TCTN1: variants seen among roughly 807,000 people sequenced by gnomAD.
The protein encoded by TCTN1 is tectonic family member 1.
TCTN1 carries 58 observed loss-of-function variants against 65.8 expected under a neutral mutation model. The ratio of observed to expected loss-of-function variants is 0.88; its 90% CI spans 0.71 to 1.10. The LOEUF (loss-of-function observed/expected upper bound fraction) is 1.10, where lower values mean the gene tolerates loss of function less well. Ranked by LOEUF, TCTN1 falls within the 50% of genes least tolerant of loss-of-function variation. TCTN1 has a pLI of 0.00. For missense variants in TCTN1, 645 were observed against 719.4 expected, an observed-to-expected ratio of 0.90 and a Z score of 1.18; for synonymous variants, 273 against 289.1, an observed-to-expected ratio of 0.94 and a Z score of 0.57.
chr12:110,621,893 T>A (rs903124081), intron 2 of TCTN1, among the ~76,000 whole-genome samples: 8 of 151,824 alleles, frequency 5.3e-5, no homozygotes, highest in African/African-American at 1.9e-4. Flanking sequence ...ATCCCAGCAC[T>A]TTGGGAGGCT....
In TCTN1 at chr12:110,628,050, A is replaced by G. The variant is rs142028339; in HGVS notation, c.473-717A>G. 84 of 1,535,754 alleles carry G rather than the reference A, an allele frequency of 5.5e-5. No homozygotes were observed. The African/African-American group carries it at 1.0e-3, about 18-fold the overall frequency. On this transcript the variant is annotated intron_variant, in intron 3 of 14. Coordinates refer to ENST00000397659, the MANE Select transcript of TCTN1 (RefSeq NM_001082538.3). ...GCTTCCTTCTCTCTCTTCTGTACAC[A>G]GCACATTTTACTCCAGGACTTTCAC...
intron 7 of TCTN1, among the ~76,000 whole-genome samples, chr12:110,636,802 T>C (rs930826396): frequency 6.6e-6 from 1 of 152,202 alleles, no homozygotes; most frequent in African/African-American, 2.4e-5. Flanking sequence ...TATCCCTTGC[T>C]CCCTTCTTAG....
intron 2 of TCTN1, among the ~76,000 whole-genome samples, chr12:110,623,169 T>A (rs1014109616): frequency 6.6e-6 from 1 of 152,212 alleles, no homozygotes; most frequent in African/African-American, 2.4e-5. Flanking sequence ...CTTCTTAGCC[T>A]GGATTCAGAT....
At chr12:110,620,177 GT>G (rs1565957336) in intron 2 of TCTN1, among the ~76,000 whole-genome samples, 1 of 152,138 alleles carries the variant, frequency 6.6e-6, no homozygotes, top group Non-Finnish European at 1.5e-5. Context: ...GGAGGCTGAG[GT>G]GGGTGGATCA....
Position 110,614,404 on chromosome 12 carries a change from TG to T in TCTN1, c.220+5del, listed in dbSNP as rs1178016153. ...CCAGGCCTACCCCAGTCACGGACGG[TG>T]GGTACCATGTGCCAGCTCCTGGAGT... On this transcript the variant is annotated splice_donor_region_variant and intron_variant, in intron 1 of 14. Coordinates refer to ENST00000397659, the MANE Select transcript of TCTN1 (RefSeq NM_001082538.3). 6.3e-7 allele frequency: 1 copy of T among 1,591,746 alleles called. No homozygotes were observed. Among genetic ancestry groups the T allele is most frequent in the African/African-American group, 1.3e-5 (1 of 74,570 alleles).
intron 14 of TCTN1, 55 bp from the exon 15 acceptor site, chr12:110,648,986 AAG>A (rs1208532787): frequency 4.4e-6 from 2 of 450,140 alleles, no homozygotes; most frequent in African/African-American, 2.0e-5. Flanking sequence ...GCTTGAAAAT[AAG>A]AGACTTTTCT....
intron 12 of TCTN1, chr12:110,645,381 G>C (rs575574985): frequency 2.0e-6 from 1 of 507,828 alleles, no homozygotes; most frequent in Non-Finnish European, 3.6e-6. Context: ...GCCTCATGGG[G>C]CATTGAGAGG....
At position 110,647,238 on chromosome 12, in the gene TCTN1, G is replaced by T; in HGVS notation, c.1537G>T (p.Val513Phe). The change falls in exon 13 of 15, where the codon GTT (valine) becomes TTT (phenylalanine). Residue 513 changes from valine to phenylalanine, a missense_variant. By Grantham distance (50) the Val-to-Phe change is conservative. Transcript: ENST00000397659. ...QDSCQLPGAL[V>F]IEVKWTKYGS... ...TTCCTGCCAGCTCCCAGGGGCTTTGGTTATAGAAGTGAAGTGGACTAAATA... is the reference window on the plus strand; with the variant it reads ...TTCCTGCCAGCTCCCAGGGGCTTTGTTTATAGAAGTGAAGTGGACTAAATA... The T allele has an allele frequency of 1.5e-5, 24 of 1,614,174 alleles. No homozygotes were observed. Among genetic ancestry groups the T allele is most frequent in the Non-Finnish European group, 2.0e-5 (24 of 1,180,028 alleles).
rs974673613 is a variant in TCTN1, at chr12:110,640,745, T to A, written c.978+228T>A. Among the ~76,000 whole-genome samples, 3 of 152,232 alleles carry A rather than the reference T, an allele frequency of 2.0e-5. No individual in the cohort carries two copies. The highest frequency in any genetic ancestry group is 7.2e-5 in the African/African-American group (3 of 41,456). ...TCAAAATATTTTTGTTGTTGCTGTT[T>A]TTGTTTTAACATGTTTCCTCTGCAG... On this transcript the variant is annotated intron_variant, in intron 8 of 14. Coordinates refer to ENST00000397659, the MANE Select transcript of TCTN1 (RefSeq NM_001082538.3). This position sits in a 1 kb window ranked among gnomAD's most constrained non-coding sequence, Gnocchi z 4.9.
chr12:110,642,523 G>A (rs1259601979), intron 11 of TCTN1, 134 bp downstream of exon 11: 19 of 1,265,792 alleles, frequency 1.5e-5, no homozygotes, highest in Non-Finnish European at 2.0e-5. Flanking sequence ...ATATCATCAT[G>A]CATGAATAGT....
intron 12 of TCTN1, 169 bp downstream of exon 12, chr12:110,645,298 G>A (rs770488886): frequency 2.8e-4 from 230 of 814,068 alleles, no homozygotes; most frequent in Non-Finnish European, 4.3e-4. Context: ...GTTGCCTCTG[G>A]CCAGCAGTTT....
rs544284702 is a variant in TCTN1 at position 110,634,270 on chromosome 12, G to C, written c.713-400G>C. On this transcript the variant is annotated intron_variant, in intron 5 of 14. Transcript: ENST00000397659. ...CTCATGCCAGTTGCCTCTGGAGAAG[G>C]GGACTGGTGGTAGCTGGGGGGCAGG... The C allele has an allele frequency of 2.6e-4, 98 of 374,308 alleles. 1 individual carries two copies. Among genetic ancestry groups the C allele is most frequent in the African/African-American group, 1.9e-3 (91 of 47,828 alleles). 23.2% of individuals were successfully genotyped at this position (374,308 alleles called of 1,614,324 possible).
rs1200419021 is a variant in TCTN1, at chr12:110,634,740, C to A, written c.783C>A (p.Ala261=). The change falls in exon 6 of 15, where the codon GCC becomes GCA. Residue 261 remains alanine, a synonymous_variant. Coordinates refer to ENST00000397659, the MANE Select transcript of TCTN1 (RefSeq NM_001082538.3). ...INLEQCEEIE[A]LSMAFYSSPE... ...TAGAACAGTGTGAAGAAATTGAAGC[C>A]CTCAGCATGGCTTTTTACAGCAGCC... 1 of 1,612,016 alleles carries A rather than the reference C, an allele frequency of 6.2e-7. No individual in the cohort carries two copies. Among genetic ancestry groups the A allele is most frequent in the East Asian group, 2.2e-5 (1 of 44,850 alleles).
intron 14 of TCTN1, among the ~76,000 whole-genome samples, chr12:110,648,108 C>T (rs2067494798): frequency 6.6e-6 from 1 of 152,116 alleles, no homozygotes; most frequent in African/African-American, 2.4e-5. Flanking sequence ...ATAGCTGGGA[C>T]TACAGGTGCA....
At position 110,631,404 on chromosome 12, in the gene TCTN1, C is replaced by T. The variant is rs929833981; in HGVS notation, c.625-1068C>T. Among the ~76,000 whole-genome samples the T allele has an allele frequency of 7.9e-5, 12 of 151,656 alleles. No homozygotes were observed. The South Asian group carries it at 8.4e-4, about 11-fold the overall frequency. The stretch of plus-strand genomic sequence containing the variant: ...ATCCCAGCACTTTGGGAGGCCGAGG[C>T]GGGCAAATCACTTGAGGTCAGGAGT... On this transcript the variant is annotated intron_variant, in intron 4 of 14. Coordinates refer to ENST00000397659, the MANE Select transcript of TCTN1 (RefSeq NM_001082538.3).
chr12:110,641,284 T>C (rs2066935222), intron 9 of TCTN1, 135 bp downstream of exon 9: 10 of 1,278,450 alleles, frequency 7.8e-6, no homozygotes, highest in Non-Finnish European at 9.9e-6. Flanking sequence ...GTGTAGCCTG[T>C]GCATTTGTAA....
chr12:110,647,842 C>A lies in TCTN1; in HGVS notation c.1729C>A (p.Pro577Thr), dbSNP rs777455610. 1.2e-6 allele frequency: 2 copies of A among 1,614,190 alleles called. No homozygotes were observed. Among genetic ancestry groups the A allele is most frequent in the Non-Finnish European group, 1.7e-6 (2 of 1,180,046 alleles). ...TGCAGAGGCAGGCTTCAGAGCTCCA[C>A]CAGCCATCAATGCCAGGCTGCCCTT... ...APAEAGFRAP[P>T]AINARLPFNF... The change falls in exon 14 of 15, where the codon CCA becomes ACA. Residue 577 changes from proline to threonine, a missense_variant. Transcript: ENST00000397659.
chr12:110,626,114 A>C (rs1321902065), intron 2 of TCTN1, among the ~76,000 whole-genome samples: 1 of 140,970 alleles, frequency 7.1e-6, no homozygotes, highest in Non-Finnish European at 1.5e-5. Flanking sequence ...TGTGAGACAG[A>C]GTCTTGCTCT....
At chr12:110,647,150 G>A (rs1408204279) in intron 12 of TCTN1, 46 bp from the exon 13 acceptor site, 1 of 1,612,194 alleles carries the variant, frequency 6.2e-7, no homozygotes, top group African/African-American at 1.3e-5. Context: ...CTGAACTGCA[G>A]ATTAAGTCTG....
Sources: allele counts gnomAD v4.1 joint callset (sites outside exome capture counted in the v4.1 genomes callset), GRCh38; gene constraint gnomAD v4.1.1; non-coding constraint Gnocchi (gnomAD v3.1); transcripts MANE v1.5; gene names NCBI Gene and HGNC (gene_info 2026-07-23, HGNC 2026-07-21).